Variants in CCDC149 observed in about 807,000 individuals in gnomAD.
CCDC149 encodes coiled-coil domain containing 149.
In CCDC149, 45 loss-of-function variants were observed where a neutral mutation model predicts 59.9. That is an observed-to-expected ratio of 0.75 (90% confidence interval 0.59 to 0.96). CCDC149 has a LOEUF of 0.96. CCDC149 is among the 40% of genes least tolerant of loss of function. The pLI is 0.00. For missense variants in CCDC149, 584 were observed against 664.7 expected (o/e 0.88, Z 1.33); for synonymous variants, 245 against 260.6 (o/e 0.94, Z 0.58).
At chr4:24,973,460 A>G (rs76079136) in intron 1 of CCDC149, among the ~76,000 whole-genome samples, 4 of 152,364 alleles carry the variant, frequency 2.6e-5, no homozygotes, top group African/African-American at 9.6e-5. Context: ...CTGTACCTCA[A>G]TAAAGTGCAT....
intron 1 of CCDC149, chr4:24,894,967 C>T (rs760178441): frequency 1.8e-5 from 27 of 1,535,874 alleles, no homozygotes; most frequent in Middle Eastern, 1.7e-4. Context: ...GCTTAAAGTC[C>T]CATGCAGGCA....
intron 1 of CCDC149, among the ~76,000 whole-genome samples, chr4:24,956,662 G>A (rs1723476138): frequency 6.6e-6 from 1 of 152,206 alleles, no homozygotes; most frequent in Middle Eastern, 3.4e-3. Context: ...AAGGATCAGG[G>A]GTCTGCCACA....
At chr4:24,933,140 T>TA (rs1722642950) in intron 1 of CCDC149, among the ~76,000 whole-genome samples, 1 of 152,152 alleles carries the variant, frequency 6.6e-6, no homozygotes, top group Non-Finnish European at 1.5e-5. Flanking sequence ...TGGTGGGATC[T>TA]CAGGAATTAA....
At chr4:24,895,343 C>T (rs1329927152) in intron 1 of CCDC149, among the ~76,000 whole-genome samples, 2 of 152,096 alleles carry the variant, frequency 1.3e-5, no homozygotes, top group Non-Finnish European at 2.9e-5. Flanking sequence ...CTGCTGTCTA[C>T]GTGTTAGCCT....
upstream of CCDC149, among the ~76,000 whole-genome samples, chr4:24,915,050 G>T (rs897276045): frequency 3.9e-5 from 6 of 152,162 alleles, no homozygotes; most frequent in African/African-American, 1.4e-4. Flanking sequence ...AAAAAAGGTG[G>T]GGCTAGAATG....
intron 1 of CCDC149, among the ~76,000 whole-genome samples, chr4:24,881,473 G>T (rs1577445799): frequency 6.6e-6 from 1 of 152,262 alleles, no homozygotes; most frequent in South Asian, 2.1e-4. Flanking sequence ...GGATAACAGA[G>T]CTTGGAGGGG....
chr4:24,908,464 G>A (rs1721668535), intron 1 of CCDC149, among the ~76,000 whole-genome samples: 2 of 151,260 alleles, frequency 1.3e-5, no homozygotes, highest in African/African-American at 4.9e-5. Context: ...TTGGGAGGCT[G>A]AGGCAGGATT....
rs969599743 is a variant in CCDC149, at chr4:24,968,908, C to G, written c.-65+11161G>C. Among the ~76,000 whole-genome samples, 3 of 152,312 alleles carry G rather than the reference C, an allele frequency of 2.0e-5. No individual in the cohort carries two copies. In the East Asian group the frequency reaches 5.8e-4, roughly 29 times the overall value. On this transcript the variant is annotated intron_variant, in intron 1 of 12. Coordinates refer to the CCDC149 transcript ENST00000389609. ...GTACAACCTCTGGGAAATAGGTCAT[C>G]AGAAAGAGATAACTATTTATCACGT... is the stretch of plus-strand genomic sequence containing the variant.
At chr4:24,946,601 T>C (rs1023515811) in intron 1 of CCDC149, among the ~76,000 whole-genome samples, 2 of 152,206 alleles carry the variant, frequency 1.3e-5, no homozygotes, top group African/African-American at 2.4e-5. Context: ...CGCAGTTGCA[T>C]AGCTAGTGAG....
At chr4:24,929,954 C>G (rs992351740) in intron 1 of CCDC149, among the ~76,000 whole-genome samples, 4 of 152,164 alleles carry the variant, frequency 2.6e-5, no homozygotes, top group Non-Finnish European at 5.9e-5. Context: ...ATGGAAAGAA[C>G]AAGAAACTAG....
chr4:24,820,015 A>T (rs1410170710), intron 11 of CCDC149, 40 bp from the exon 12 acceptor site: 1 of 1,457,576 alleles, frequency 6.9e-7, no homozygotes, highest in Non-Finnish European at 9.3e-7. Context: ...TTATATCATC[A>T]GTGGAGTTGG....
chr4:24,895,139 T>C (rs1043784630), intron 1 of CCDC149: 3 of 839,362 alleles, frequency 3.6e-6, no homozygotes, highest in Admixed American at 2.0e-5. Context: ...GAACACGTTA[T>C]AAAAACAGCA....
chr4:24,869,063 G>A (rs924000755), intron 3 of CCDC149, among the ~76,000 whole-genome samples: 14 of 152,226 alleles, frequency 9.2e-5, no homozygotes, highest in Admixed American at 9.2e-4. Flanking sequence ...CACCGGCTGC[G>A]ATTGCTATGA....
At chr4:24,900,114 A>T (rs140723337) in intron 1 of CCDC149, among the ~76,000 whole-genome samples, 2 of 152,348 alleles carry the variant, frequency 1.3e-5, no homozygotes, top group African/African-American at 4.8e-5. Flanking sequence ...ATCACAATGC[A>T]TATCACAGCA....
intron 9 of CCDC149, chr4:24,827,732 C>G (rs1054907675): frequency 1.3e-5 from 2 of 152,176 alleles, no homozygotes; most frequent in African/African-American, 4.8e-5. Flanking sequence ...TAGGTTTCTT[C>G]ATCAATTCTT....
chr4:24,974,190 G>A (rs1724075992), intron 1 of CCDC149, among the ~76,000 whole-genome samples: 1 of 152,160 alleles, frequency 6.6e-6, no homozygotes, highest in Non-Finnish European at 1.5e-5. Context: ...CGCAGGTGCC[G>A]GCTGCTTTCC....
chr4:24,921,913 T>TG (rs1722305012), intron 1 of CCDC149, among the ~76,000 whole-genome samples: 1 of 152,122 alleles, frequency 6.6e-6, no homozygotes, highest in Non-Finnish European at 1.5e-5. Flanking sequence ...GGACCACAGA[T>TG]GGGGGTGTTT....
chr4:24,913,319 C>T (rs1722010105), upstream of CCDC149, among the ~76,000 whole-genome samples: 1 of 152,158 alleles, frequency 6.6e-6, no homozygotes, highest in Non-Finnish European at 1.5e-5. Context: ...ACCACCATCA[C>T]GACTCCCACG....
At chr4:24,978,746 C>A (rs181060726) in intron 1 of CCDC149, among the ~76,000 whole-genome samples, 2 of 152,214 alleles carry the variant, frequency 1.3e-5, no homozygotes, top group Admixed American at 1.3e-4. Context: ...ATCCTGTGTG[C>A]TTTTCACAGC....
Sources: allele counts gnomAD v4.1 joint callset (sites outside exome capture counted in the v4.1 genomes callset), GRCh38; gene constraint gnomAD v4.1.1; transcripts MANE v1.5; gene names NCBI Gene and HGNC (gene_info 2026-07-23, HGNC 2026-07-21).